Variants in RAB28 observed in about 807,000 individuals in gnomAD.
The protein encoded by RAB28 is ras-related protein Rab-28.
Under a neutral mutation model 31.7 loss-of-function variants are expected in RAB28, and 24 were observed. That is an observed-to-expected ratio of 0.76 (90% CI 0.55 to 1.06). The LOEUF (loss-of-function observed/expected upper bound fraction) is 1.06, where lower values mean the gene tolerates loss of function less well. Among genes scored for constraint, RAB28 ranks in the 50% least tolerant of loss-of-function variants. The pLI is 0.00. For missense variants in RAB28, 254 were observed against 258.5 expected (o/e 0.98, Z 0.12); for synonymous variants, 100 against 90.4 (o/e 1.11, Z -0.60).
chr4:13,378,081 G>A (rs560447327), intron 5 of RAB28, among the ~76,000 whole-genome samples: 1 of 152,132 alleles, frequency 6.6e-6, no homozygotes, highest in Non-Finnish European at 1.5e-5. Flanking sequence ...TACAGTTCAG[G>A]GGAAAAGTCT....
intron 4 of RAB28, among the ~76,000 whole-genome samples, chr4:13,456,724 T>A (rs1715321579): frequency 6.6e-6 from 1 of 152,152 alleles, no homozygotes; most frequent in African/African-American, 2.4e-5. Flanking sequence ...TTCATTTTAA[T>A]AACTGTACAT....
At position 13,371,794 on chromosome 4, in the gene RAB28, C is replaced by A. The variant is rs775891697; in HGVS notation, c.574-3144G>T. ...GAAAATGTTACCTATAAAATACCAA[C>A]CTTTATTTTTAGAGCCACAAAGCAC... On this transcript the variant is annotated intron_variant, in intron 6 of 6. Coordinates refer to ENST00000330852, the MANE Select transcript of RAB28 (RefSeq NM_001017979.3). 3.2e-6 allele frequency: 5 copies of A among 1,546,894 alleles called. No homozygotes were observed. In the South Asian group the frequency reaches 6.0e-5, roughly 18 times the overall value.
At chr4:13,458,648 G>A (rs942666326) in intron 4 of RAB28, among the ~76,000 whole-genome samples, 30 of 152,084 alleles carry the variant, frequency 2.0e-4, no homozygotes, top group African/African-American at 6.0e-4. Flanking sequence ...TATCAACAAC[G>A]GGCTACATAT....
intron 4 of RAB28, among the ~76,000 whole-genome samples, chr4:13,411,459 TAAC>T (rs1389354539): frequency 1.8e-4 from 27 of 152,080 alleles, no homozygotes; most frequent in Admixed American, 1.6e-3. Context: ...GTAAACTTAA[TAAC>T]AATCTGACAA....
At chr4:13,421,852 G>A (rs558927038) in intron 4 of RAB28, among the ~76,000 whole-genome samples, 429 of 151,794 alleles carry the variant, frequency 2.8e-3, no homozygotes, top group African/African-American at 9.7e-3. Context: ...CAAGGACTTC[G>A]TGACTAAAAC....
chr4:13,436,701 C>A (rs1000621250), intron 4 of RAB28, among the ~76,000 whole-genome samples: 4 of 152,040 alleles, frequency 2.6e-5, no homozygotes, highest in African/African-American at 9.7e-5. Context: ...AAATAAATCA[C>A]AGATGACACA....
chr4:13,453,654 A>G (rs1715095647), intron 4 of RAB28, among the ~76,000 whole-genome samples: 3 of 152,006 alleles, frequency 2.0e-5, no homozygotes, highest in Admixed American at 2.0e-4. Context: ...TCAATAGGTA[A>G]TTCCATTCTA....
Position 13,368,109 on chromosome 4 carries a change from G to C in RAB28, c.*449C>G. The stretch of plus-strand genomic sequence containing the variant: ...AAGAATGTCTTCATAAGTATCTGTA[G>C]GTAAAATATATTACTTGCTTAATGT... On this transcript the variant is annotated 3_prime_UTR_variant, in exon 7 of 7. Transcript: ENST00000330852. 1 of 982,604 alleles carries C rather than the reference G, an allele frequency of 1.0e-6. No homozygotes were observed. Among genetic ancestry groups the C allele is most frequent in the Non-Finnish European group, 1.2e-6 (1 of 827,416 alleles). 60.9% of individuals were successfully genotyped at this position (982,604 alleles called of 1,614,324 possible).
At chr4:13,403,292 G>A (rs965351735) in intron 4 of RAB28, among the ~76,000 whole-genome samples, 2 of 152,176 alleles carry the variant, frequency 1.3e-5, no homozygotes, top group African/African-American at 2.4e-5. Flanking sequence ...ATTAAAAGAT[G>A]TAACAAGCAT....
At position 13,386,209 on chromosome 4, in the gene RAB28, CAGGATG is replaced by C. The variant is rs1160770982; in HGVS notation, c.392-4621_392-4616del. On this transcript the variant is annotated intron_variant, in intron 4 of 6. Coordinates refer to ENST00000330852, the MANE Select transcript of RAB28 (RefSeq NM_001017979.3). ...TGGACATAGGAACAGGCAGATATTT[CAGGATG>C]AGGATGCCAAAAGCAACTGCAACAA... 4.6e-5 allele frequency among the ~76,000 whole-genome samples: 7 copies of C among 151,962 alleles called. No individual in the cohort carries two copies. The East Asian group carries it at 1.3e-3, about 29-fold the overall frequency.
At chr4:13,482,662 C>T (rs1214500261) in intron 1 of RAB28, among the ~76,000 whole-genome samples, 1 of 152,136 alleles carries the variant, frequency 6.6e-6, no homozygotes, top group African/African-American at 2.4e-5. Flanking sequence ...AATTAATATA[C>T]TTTATAAAGA....
intron 6 of RAB28, among the ~76,000 whole-genome samples, chr4:13,369,077 T>C (rs781606190): frequency 6.6e-6 from 1 of 152,158 alleles, no homozygotes; most frequent in Non-Finnish European, 1.5e-5. Context: ...TAGCGAAAAC[T>C]TTTCATTGAA....
intron 4 of RAB28, among the ~76,000 whole-genome samples, chr4:13,426,316 T>G (rs767446663): frequency 6.6e-6 from 1 of 152,134 alleles, no homozygotes; most frequent in East Asian, 1.9e-4. Context: ...TTTTATAAGC[T>G]TCACATACTA....
intron 4 of RAB28, among the ~76,000 whole-genome samples, chr4:13,455,512 C>G (rs1715249563): frequency 6.6e-6 from 1 of 152,150 alleles, no homozygotes; most frequent in South Asian, 2.1e-4. Flanking sequence ...AGATGGAATC[C>G]CAGTGCTGGA....
At chr4:13,397,298 T>TGAAAATA (rs1729911419) in intron 4 of RAB28, among the ~76,000 whole-genome samples, 1 of 152,058 alleles carries the variant, frequency 6.6e-6, no homozygotes. Flanking sequence ...ACACATATTA[T>TGAAAATA]GAAAATAGAA....
intron 4 of RAB28, among the ~76,000 whole-genome samples, chr4:13,431,279 G>A (rs1350784845): frequency 2.6e-5 from 4 of 152,266 alleles, no homozygotes; most frequent in Non-Finnish European, 5.9e-5. Context: ...AGAAACAACT[G>A]AAGGTTATGA....
intron 4 of RAB28, among the ~76,000 whole-genome samples, chr4:13,391,368 C>A (rs1729621300): frequency 6.6e-6 from 1 of 152,114 alleles, no homozygotes. Flanking sequence ...CCATCTCACA[C>A]CAGTTAGAAT....
At position 13,474,391 on chromosome 4, in the gene RAB28, G is replaced by GT; in HGVS notation, c.187dup (p.Thr63AsnfsTer19). ...CCCTCCTATATCCCAAATTTGAAGGGTAACATTCAAGTTTCCTAGAATATA... is the reference window on the plus strand; with the variant it reads ...CCCTCCTATATCCCAAATTTGAAGGGTTAACATTCAAGTTTCCTAGAATATA... On this transcript the variant is annotated frameshift_variant, in exon 3 of 7. Transcript: ENST00000330852. LOFTEE classifies it high-confidence loss of function. 6.3e-7 allele frequency: 1 copy of GT among 1,576,898 alleles called. No individual in the cohort carries two copies. Among genetic ancestry groups the GT allele is most frequent in the South Asian group, 1.2e-5 (1 of 85,858 alleles).
intron 2 of RAB28, among the ~76,000 whole-genome samples, chr4:13,476,220 T>G (rs1302740652): frequency 6.6e-6 from 1 of 151,526 alleles, no homozygotes; most frequent in Non-Finnish European, 1.5e-5. Flanking sequence ...TGATCTTCAT[T>G]ACATGTTTTC....
Sources: allele counts gnomAD v4.1 joint callset (sites outside exome capture counted in the v4.1 genomes callset), GRCh38; gene constraint gnomAD v4.1.1; transcripts MANE v1.5; gene names NCBI Gene and HGNC (gene_info 2026-07-23, HGNC 2026-07-21).